Variants in VWA3B observed in about 807,000 individuals in gnomAD.
VWA3B encodes von Willebrand factor A domain-containing protein 3B.
A neutral mutation model predicts 158.3 loss-of-function variants in VWA3B; 138 were observed. The ratio of observed to expected loss-of-function variants is 0.87; its 90% CI spans 0.76 to 1.00. VWA3B has a LOEUF of 1.00. Among genes scored for constraint, VWA3B ranks in the 50% least tolerant of loss-of-function variants. The pLI, the probability that VWA3B is intolerant of heterozygous loss-of-function variation, is 0.00. For synonymous variants in VWA3B, 596 were observed against 587.3 expected (o/e 1.01, Z -0.21); for missense variants, 1,555 against 1,565.1 (o/e 0.99, Z 0.11).
intron 14 of VWA3B, among the ~76,000 whole-genome samples, chr2:98,218,388 T>A (rs1008072683): frequency 6.6e-6 from 1 of 152,244 alleles, no homozygotes; most frequent in Non-Finnish European, 1.5e-5. Context: ...CATGTACCTA[T>A]AATTTAAATT....
At chr2:98,176,363 GTCAC>G in intron 8 of VWA3B, among the ~76,000 whole-genome samples, 1 of 127,560 alleles carries the variant, frequency 7.8e-6, no homozygotes. Context: ...TGAATTTCAG[GTCAC>G]TCAGTCTAAA....
chr2:98,325,257 A>C, the VWA3B span, among the ~76,000 whole-genome samples: 2 of 152,206 alleles, frequency 1.3e-5, no homozygotes, highest in East Asian at 3.8e-4. Flanking sequence ...CAAGGAGAAA[A>C]AAATCTTGAC....
At chr2:98,118,643 C>T (rs1244070956) in intron 3 of VWA3B, among the ~76,000 whole-genome samples, 2 of 152,090 alleles carry the variant, frequency 1.3e-5, no homozygotes, top group Non-Finnish European at 1.5e-5. Flanking sequence ...GGACAGTGAT[C>T]GGGATATAAA....
At chr2:98,285,537 G>A (rs1021684899) in intron 22 of VWA3B, among the ~76,000 whole-genome samples, 2 of 151,826 alleles carry the variant, frequency 1.3e-5, no homozygotes, top group African/African-American at 2.4e-5. Flanking sequence ...GTTCCAAAGT[G>A]TCAAAAATCA....
At chr2:98,318,706 A>G in the VWA3B span, among the ~76,000 whole-genome samples, 1 of 152,256 alleles carries the variant, frequency 6.6e-6, no homozygotes, top group Non-Finnish European at 1.5e-5. Flanking sequence ...AAACCTGCAC[A>G]TGTACCCCTG....
At chr2:98,249,301 A>G (rs1053922187) in intron 19 of VWA3B, among the ~76,000 whole-genome samples, 1 of 152,204 alleles carries the variant, frequency 6.6e-6, no homozygotes, top group Admixed American at 6.5e-5. Flanking sequence ...GAATAGCACA[A>G]CATTTCTTGT....
chr2:98,319,657 A>G, the VWA3B span, among the ~76,000 whole-genome samples: 1 of 152,238 alleles, frequency 6.6e-6, no homozygotes, highest in Non-Finnish European at 1.5e-5. Flanking sequence ...AGATGGGTGG[A>G]TAAAATGAGG....
chr2:98,130,893 G>A (rs1675816052), intron 6 of VWA3B, among the ~76,000 whole-genome samples: 1 of 152,214 alleles, frequency 6.6e-6, no homozygotes, highest in Non-Finnish European at 1.5e-5. Flanking sequence ...GATTTAGGAT[G>A]TGCATCACCT....
intron 8 of VWA3B, among the ~76,000 whole-genome samples, chr2:98,178,118 C>A (rs1273329021): frequency 1.3e-5 from 2 of 152,154 alleles, no homozygotes; most frequent in East Asian, 3.8e-4. Flanking sequence ...ATGGCGGCAT[C>A]CTCTTTTTGC....
chr2:98,247,179 G>A (rs1686453924), intron 19 of VWA3B, among the ~76,000 whole-genome samples: 1 of 151,780 alleles, frequency 6.6e-6, no homozygotes, highest in Non-Finnish European at 1.5e-5. Flanking sequence ...TGTATTTTTA[G>A]TAGAGACGGG....
chr2:98,285,580 C>A (rs1327111026), intron 22 of VWA3B, among the ~76,000 whole-genome samples: 1 of 151,662 alleles, frequency 6.6e-6, no homozygotes, highest in African/African-American at 2.4e-5. Flanking sequence ...TACTTCTGGA[C>A]TCAGTACTGT....
At chr2:98,146,217 GTTC>G (rs780419365) in intron 7 of VWA3B, among the ~76,000 whole-genome samples, 92 of 152,252 alleles carry the variant, frequency 6.0e-4, no homozygotes, top group African/African-American at 1.3e-3. Context: ...TTTAGTGAGT[GTTC>G]TTCTTCTCTT....
At position 98,312,196 on chromosome 2, in the gene VWA3B, C is replaced by T. The variant is rs149758481; in HGVS notation, c.3736-4C>T. 4.3e-6 allele frequency: 7 copies of T among 1,614,174 alleles called. No homozygotes were observed. Among genetic ancestry groups the T allele is most frequent in the Non-Finnish European group, 5.9e-6 (7 of 1,180,034 alleles). On this transcript the variant is annotated splice_polypyrimidine_tract_variant and splice_region_variant and intron_variant, in intron 27 of 27. Coordinates refer to ENST00000477737, the MANE Select transcript of VWA3B (RefSeq NM_144992.5). ...TTAAGTAATGCTGAACTCTGCTTCC[C>T]CAGACAGCCCACCTCCACTTCCCCG...
chr2:98,118,235 C>A (rs1674681917), intron 3 of VWA3B, among the ~76,000 whole-genome samples: 1 of 152,126 alleles, frequency 6.6e-6, no homozygotes. Context: ...TGTGTTGTAG[C>A]AGTAGCTGTG....
At chr2:98,276,898 G>C (rs1244066662) in intron 22 of VWA3B, among the ~76,000 whole-genome samples, 1 of 152,122 alleles carries the variant, frequency 6.6e-6, no homozygotes, top group Non-Finnish European at 1.5e-5. Context: ...TAGCTGCCTT[G>C]CCGATTCCTA....
intron 14 of VWA3B, among the ~76,000 whole-genome samples, chr2:98,224,751 A>C (rs1277053899): frequency 2.7e-5 from 1 of 37,348 alleles, no homozygotes; most frequent in Admixed American, 2.9e-4. Flanking sequence ...GGCAGTGTGA[A>C]TTAAAAAAAA....
the VWA3B span, among the ~76,000 whole-genome samples, chr2:98,319,966 G>A: frequency 2.7e-4 from 41 of 152,066 alleles, no homozygotes; most frequent in African/African-American, 9.6e-4. Context: ...GTGCCAATAT[G>A]AAGTAATCAT....
chr2:98,092,103 T>G (rs1372850443), intron 1 of VWA3B, among the ~76,000 whole-genome samples: 1 of 152,194 alleles, frequency 6.6e-6, no homozygotes, highest in African/African-American at 2.4e-5. Context: ...CAATAAAACA[T>G]TCAGAAAGTG....
the VWA3B span, among the ~76,000 whole-genome samples, chr2:98,327,706 T>C: frequency 6.6e-6 from 1 of 152,210 alleles, no homozygotes; most frequent in Non-Finnish European, 1.5e-5. Context: ...ACAACCTCTG[T>C]GTGTTGGTCT....
Sources: gnomAD v4.1 joint callset for allele counts (sites outside exome capture counted in the v4.1 genomes callset) on GRCh38, gnomAD v4.1.1 for gene constraint, MANE v1.5 for transcripts, NCBI Gene and HGNC (gene_info 2026-07-23, HGNC 2026-07-21) for gene names.